The following ALB variants were observed in gnomAD, a reference collection of about 807,000 sequenced individuals.
ALB encodes the protein serum albumin.
ALB carries 37 observed loss-of-function variants against 74.5 expected under a neutral mutation model. The ratio of observed to expected loss-of-function variants is 0.50; its 90% confidence interval spans 0.38 to 0.65. ALB has a LOEUF of 0.65. Among genes scored for constraint, ALB ranks in the 30% least tolerant of loss-of-function variants. The pLI is 0.00. For missense variants in ALB, 685 were observed against 718.7 expected (o/e 0.95, Z 0.54); for synonymous variants, 249 against 251.6 (o/e 0.99, Z 0.10).
intron 3 of ALB, among the ~76,000 whole-genome samples, chr4:73,407,201 G>A (rs1718754736): frequency 6.6e-6 from 1 of 152,030 alleles, no homozygotes; most frequent in South Asian, 2.1e-4. Flanking sequence ...CGGGTACACT[G>A]TTGTATAGCT....
In ALB at chr4:73,410,304, T is replaced by C. The variant is rs1257176878; in HGVS notation, c.616-8T>C. ...TTCTAATTTTCATCAAATTATTCCT[T>C]TTTGTAGCTCGATGAACTTCGGGAT... On this transcript the variant is annotated splice_region_variant and splice_polypyrimidine_tract_variant and intron_variant, in intron 5 of 14. Coordinates refer to ENST00000295897, the MANE Select transcript of ALB (RefSeq NM_000477.7). 7 of 1,611,516 alleles carry C rather than the reference T, an allele frequency of 4.3e-6. No individual in the cohort carries two copies. Among genetic ancestry groups the C allele is most frequent in the East Asian group, 2.2e-5 (1 of 44,868 alleles).
At chr4:73,413,363 G>A (rs1718926516) in intron 7 of ALB, 57 bp from the exon 8 acceptor site, 1 of 1,467,012 alleles carries the variant, frequency 6.8e-7, no homozygotes, top group Non-Finnish European at 9.5e-7. Context: ...AAAGGTCTGA[G>A]GAGAAAGTGT....
intron 9 of ALB, 142 bp downstream of exon 9, chr4:73,415,309 C>A: frequency 4.9e-6 from 5 of 1,021,860 alleles, no homozygotes; most frequent in Admixed American, 4.3e-5. Flanking sequence ...GAATCTTAAA[C>A]ATGAAAGAAA....
At chr4:73,416,186 G>C in intron 9 of ALB, 70 bp from the exon 10 acceptor site, 7 of 1,165,578 alleles carry the variant, frequency 6.0e-6, no homozygotes, top group Non-Finnish European at 9.0e-6. Context: ...ATTCTGACCA[G>C]AGGGGTGAAA....
At chr4:73,419,232 T>G in intron 12 of ALB, 1 of 324,742 alleles carries the variant, frequency 3.1e-6, no homozygotes, top group Non-Finnish European at 5.7e-6. Context: ...TGAAAAGAAA[T>G]TTGTTGACAC....
At chr4:73,419,371 C>A in intron 12 of ALB, 136 bp from the exon 13 acceptor site, 1 of 944,558 alleles carries the variant, frequency 1.1e-6, no homozygotes, top group Non-Finnish European at 1.6e-6. Flanking sequence ...TGCCTGAGCC[C>A]CAAAGTACTC....
chr4:73,420,638 C>A (rs1288259306), intron 14 of ALB, among the ~76,000 whole-genome samples: 1 of 152,108 alleles, frequency 6.6e-6, no homozygotes, highest in African/African-American at 2.4e-5. Context: ...TGATGCGGTA[C>A]ACAGAGCCAT....
intron 1 of ALB, 88 bp downstream of exon 1, chr4:73,404,494 T>A: frequency 1.7e-6 from 2 of 1,143,146 alleles, no homozygotes; most frequent in Non-Finnish European, 2.6e-6. Context: ...TTTAAAGAAT[T>A]ATTTTGGCAT....
chr4:73,415,385 C>T (rs1014120111), intron 9 of ALB: 4 of 516,190 alleles, frequency 7.7e-6, no homozygotes, highest in African/African-American at 1.9e-5. Context: ...ATAGAGCAAT[C>T]TCTAAAAAAT....
At chr4:73,416,737 G>C (rs998974774) in intron 10 of ALB, among the ~76,000 whole-genome samples, 17 of 152,216 alleles carry the variant, frequency 1.1e-4, no homozygotes, top group African/African-American at 4.1e-4. Context: ...TATGTAAGCT[G>C]AACACAAAAA....
chr4:73,419,749 G>C, intron 13 of ALB, 110 bp downstream of exon 13: 3 of 1,311,756 alleles, frequency 2.3e-6, no homozygotes, highest in East Asian at 2.3e-5. Context: ...ATGTGGGACA[G>C]GGATCTTATT....
rs773439303 is a variant in ALB at position 73,404,953 on chromosome 4, G to A, written c.80-163G>A. ...ATTATTCTTCTGTTTAAAGGCAGAA[G>A]AAATAATTGAACATCATCCTGAGTT... On this transcript the variant is annotated intron_variant, in intron 1 of 14. Coordinates refer to ENST00000295897, the MANE Select transcript of ALB (RefSeq NM_000477.7). 198 of 662,382 alleles carry A rather than the reference G, an allele frequency of 3.0e-4. 1 individual carries two copies. The highest frequency in any genetic ancestry group is 2.8e-3 in the Middle Eastern group (11 of 3,980). The allele number at this position is 662,382 out of a possible 1,614,324, so 41.0% of individuals were successfully genotyped here.
intron 7 of ALB, among the ~76,000 whole-genome samples, chr4:73,412,572 A>C (rs1303017647): frequency 6.6e-6 from 1 of 152,134 alleles, no homozygotes; most frequent in Non-Finnish European, 1.5e-5. Flanking sequence ...CAGCCTCCCA[A>C]GTAGCTGGGA....
At chr4:73,418,419 G>A in intron 12 of ALB, 108 bp downstream of exon 12, 1 of 969,430 alleles carries the variant, frequency 1.0e-6, no homozygotes, top group African/African-American at 1.6e-5. Flanking sequence ...TTAGAGGAAA[G>A]TATTGGAGTG....
intron 7 of ALB, 76 bp from the exon 8 acceptor site, chr4:73,413,344 C>A: frequency 7.5e-7 from 1 of 1,335,382 alleles, no homozygotes; most frequent in Non-Finnish European, 1.1e-6. Context: ...TATGTTCTGC[C>A]AACTTAATAA....
At chr4:73,405,062 T>G in intron 1 of ALB, 54 bp from the exon 2 acceptor site, 1 of 1,484,270 alleles carries the variant, frequency 6.7e-7, no homozygotes, top group Non-Finnish European at 9.4e-7. Flanking sequence ...GTAACATTAT[T>G]ACTTCTTGTT....
Position 73,421,409 on chromosome 4 carries a change from C to A in ALB, c.*341C>A. 7.8e-6 allele frequency: 2 copies of A among 256,044 alleles called. No homozygotes were observed. The highest frequency in any genetic ancestry group is 1.5e-5 in the Non-Finnish European group (2 of 136,262). 15.9% of individuals were successfully genotyped at this position (256,044 alleles called of 1,614,324 possible). A position where few individuals can be genotyped will look rare whatever the true frequency, so the allele number is the denominator to read the frequency against. On this transcript the variant is annotated 3_prime_UTR_variant, in exon 15 of 15. Coordinates refer to ENST00000295897, the MANE Select transcript of ALB (RefSeq NM_000477.7). ...AATTAAATAAATCATTAATACTCTT[C>A]TAAGTTATGGATTATAAACATTCAA...
At chr4:73,409,147 GCA>G (rs55764359) in intron 4 of ALB, 28,485 of 507,324 alleles carry the variant, frequency 0.056, 69 homozygotes, top group East Asian at 0.072. Context: ...AACCATTTAT[GCA>G]CACACACACA....
chr4:73,408,646 A>G lies in ALB; in HGVS notation c.323A>G (p.Tyr108Cys), dbSNP rs142714816. 1,124 of 1,614,064 alleles carry G rather than the reference A, an allele frequency of 7.0e-4. No individual in the cohort carries two copies. The highest frequency in any genetic ancestry group is 1.1e-3 in the Admixed American group (67 of 60,024). The change falls in exon 4 of 15, where the codon TAT (tyrosine) becomes TGT (cysteine). Residue 108 changes from tyrosine to cysteine, a missense_variant. By Grantham distance (194) the Tyr-to-Cys change is radical. Coordinates refer to ENST00000295897, the MANE Select transcript of ALB (RefSeq NM_000477.7). Reference sequence around the variant, plus strand: ...ACAGTTGCAACTCTTCGTGAAACCTATGGTGAAATGGCTGACTGCTGTGCA... The same window carrying G: ...ACAGTTGCAACTCTTCGTGAAACCTGTGGTGAAATGGCTGACTGCTGTGCA... ...LCTVATLRET[Y>C]GEMADCCAKQ...
Sources: gnomAD v4.1 joint callset for allele counts (sites outside exome capture counted in the v4.1 genomes callset) on GRCh38, gnomAD v4.1.1 for gene constraint, MANE v1.5 for transcripts, NCBI Gene and HGNC (gene_info 2026-07-23, HGNC 2026-07-21) for gene names.